Variants in TLN2 observed in about 807,000 individuals in gnomAD.
TLN2 encodes talin 2.
Under a neutral mutation model 294.7 loss-of-function variants are expected in TLN2, and 118 were observed. The observed-to-expected ratio is 0.40, with a 90% CI of 0.34 to 0.47. The LOEUF is 0.47. TLN2 is among the 20% of genes least tolerant of loss of function. The pLI is 0.84. For synonymous variants in TLN2, 1,431 were observed against 1,304.5 expected (o/e 1.10, Z -2.09); for missense variants, 3,083 against 3,282.2 (o/e 0.94, Z 1.48).
At chr15:62,771,206 C>T (rs2063331520) in intron 42 of TLN2, 72 bp downstream of exon 42, 2 of 1,438,992 alleles carry the variant, frequency 1.4e-6, no homozygotes, top group Non-Finnish European at 1.8e-6. Flanking sequence ...TGTAATGTGT[C>T]CTTCCAGGAG....
At chr15:62,725,228 T>A in intron 27 of TLN2, 124 bp downstream of exon 27, 1 of 1,385,460 alleles carries the variant, frequency 7.2e-7, no homozygotes, top group South Asian at 1.6e-5. Flanking sequence ...TGTGGTCTTT[T>A]TCTGAAAAGA....
chr15:62,431,945 C>A (rs2035034166), intron 1 of TLN2, among the ~76,000 whole-genome samples: 1 of 152,058 alleles, frequency 6.6e-6, no homozygotes. Context: ...TGGTCCCAGG[C>A]CCATCTCTTG....
chr15:62,675,400 G>T, intron 11 of TLN2, 79 bp downstream of exon 11: 3 of 1,439,038 alleles, frequency 2.1e-6, no homozygotes, highest in African/African-American at 1.4e-5. Context: ...TGTTAAGCCT[G>T]GTTTGTCCTG....
intron 1 of TLN2, among the ~76,000 whole-genome samples, chr15:62,503,308 A>G (rs2039410449): frequency 6.6e-6 from 1 of 152,222 alleles, no homozygotes; most frequent in Non-Finnish European, 1.5e-5. Context: ...ACCAGCACTA[A>G]GATCTGAACT....
intron 1 of TLN2, among the ~76,000 whole-genome samples, chr15:62,545,973 T>G (rs971846575): frequency 1.3e-5 from 2 of 152,210 alleles, no homozygotes; most frequent in Non-Finnish European, 2.9e-5. Flanking sequence ...CTTTCTGTGC[T>G]CTGCTGGTTC....
chr15:62,582,133 T>C (rs2045104727), intron 1 of TLN2, among the ~76,000 whole-genome samples: 1 of 149,896 alleles, frequency 6.7e-6, no homozygotes, highest in Non-Finnish European at 1.5e-5. Context: ...GCTGGTACCT[T>C]GAAGTCCCAG....
At chr15:62,630,970 A>T in intron 3 of TLN2, among the ~76,000 whole-genome samples, 1 of 152,214 alleles carries the variant, frequency 6.6e-6, no homozygotes. Flanking sequence ...AAAGATAAAT[A>T]GAAAAGAAAA....
In TLN2 at chr15:62,843,699, A is replaced by G. The variant is rs1350233831; in HGVS notation, c.*3089A>G. ...ACTAAAGCCTGTTCCTAATTTATCA[A>G]AAAATTATAACCAAAATTCACCATA... On this transcript the variant is annotated 3_prime_UTR_variant, in exon 59 of 59. Transcript: ENST00000636159. The G allele has an allele frequency of 6.6e-6, 1 of 152,216 alleles. No individual in the cohort carries two copies. Among genetic ancestry groups the G allele is most frequent in the Non-Finnish European group, 1.5e-5 (1 of 68,040 alleles). The allele number at this position is 152,216 out of a possible 1,614,324, so 9.4% of individuals were successfully genotyped here. A position where few individuals can be genotyped will look rare whatever the true frequency, so the allele number is the denominator to read the frequency against.
At chr15:62,745,024 G>T (rs998364323) in intron 32 of TLN2, among the ~76,000 whole-genome samples, 1 of 152,118 alleles carries the variant, frequency 6.6e-6, no homozygotes, top group African/African-American at 2.4e-5. Flanking sequence ...TGCTAAATAG[G>T]TAATCAGAAG....
At chr15:62,726,408 T>C (rs889431403) in intron 27 of TLN2, among the ~76,000 whole-genome samples, 2 of 152,230 alleles carry the variant, frequency 1.3e-5, no homozygotes, top group Non-Finnish European at 1.5e-5. Flanking sequence ...CCTCATCTAG[T>C]AATCAAATAA....
intron 54 of TLN2, among the ~76,000 whole-genome samples, chr15:62,824,668 T>C (rs918370696): frequency 4.6e-5 from 7 of 152,132 alleles, no homozygotes; most frequent in Non-Finnish European, 1.0e-4. Context: ...AGGTTGGTAA[T>C]ATTTAGAATA....
Position 62,792,650 on chromosome 15 carries a change from C to G in TLN2, c.5746C>G (p.Gln1916Glu). ...ATAEPEEIGF[Q>E]IRTRVQDLGH... ...GGGCTTGCCTCTGCAGATCGGATTCCAGATTCGCACTCGTGTGCAGGACCT... is the reference window on the plus strand; with the variant it reads ...GGGCTTGCCTCTGCAGATCGGATTCGAGATTCGCACTCGTGTGCAGGACCT... Residue 1916 changes from glutamine (Q) to glutamate (E), a missense_variant, in exon 46 of 59, where the codon CAG becomes GAG. Gln to Glu is a conservative substitution (Grantham distance 29, BLOSUM62 2). Coordinates refer to ENST00000636159, the MANE Select transcript of TLN2 (RefSeq NM_015059.3). The G allele has an allele frequency of 6.2e-7, 1 of 1,613,260 alleles. No individual in the cohort carries two copies. Among genetic ancestry groups the G allele is most frequent in the Non-Finnish European group, 8.5e-7 (1 of 1,179,818 alleles).
Position 62,740,788 on chromosome 15 carries a change from G to A in TLN2, c.4025+19G>A, listed in dbSNP as rs2061280979. 6.2e-7 allele frequency: 1 copy of A among 1,613,930 alleles called. No individual in the cohort carries two copies. ...CTGCAAGGTAGGAGTGGGACACAAT[G>A]TGCTTTCGTGTGTGGTTAGACAGTG... On this transcript the variant is annotated intron_variant, in intron 32 of 58. Coordinates refer to ENST00000636159, the MANE Select transcript of TLN2 (RefSeq NM_015059.3).
intron 29 of TLN2, 139 bp downstream of exon 29, chr15:62,737,225 G>A (rs1595837458): frequency 7.0e-6 from 6 of 854,828 alleles, no homozygotes; most frequent in Non-Finnish European, 1.1e-5. Flanking sequence ...AGGTCATAAC[G>A]ATGCTGGCCA....
At chr15:62,576,966 C>G (rs1487961135) in intron 1 of TLN2, among the ~76,000 whole-genome samples, 2 of 152,084 alleles carry the variant, frequency 1.3e-5, no homozygotes, top group Non-Finnish European at 2.9e-5. Flanking sequence ...GTGTCCTGCC[C>G]ATGGTCACCT....
chr15:62,779,768 G>A (rs2063992751), intron 43 of TLN2, among the ~76,000 whole-genome samples: 1 of 152,218 alleles, frequency 6.6e-6, no homozygotes, highest in Non-Finnish European at 1.5e-5. Flanking sequence ...GCCGTGATGG[G>A]GATATAGCAT....
chr15:62,699,347 A>T (rs2058566108), intron 16 of TLN2, among the ~76,000 whole-genome samples: 1 of 151,484 alleles, frequency 6.6e-6, no homozygotes, highest in Non-Finnish European at 1.5e-5. Context: ...CATCATCCGA[A>T]GGGCCTGTTA....
At chr15:62,393,849 CTTT>C (rs35651315) in intron 1 of TLN2, among the ~76,000 whole-genome samples, 1 of 138,274 alleles carries the variant, frequency 7.2e-6, no homozygotes, top group Non-Finnish European at 1.6e-5. Flanking sequence ...TTGCCTGATT[CTTT>C]TTTTTTTTTT....
chr15:62,601,552 C>T (rs935623941), intron 2 of TLN2, among the ~76,000 whole-genome samples: 4 of 152,216 alleles, frequency 2.6e-5, no homozygotes, highest in Admixed American at 6.5e-5. Context: ...TTGAGAAACA[C>T]ATAGTAACTG....
Sources: gnomAD v4.1 joint callset for allele counts (sites outside exome capture counted in the v4.1 genomes callset) on GRCh38, gnomAD v4.1.1 for gene constraint, MANE v1.5 for transcripts, NCBI Gene and HGNC (gene_info 2026-07-23, HGNC 2026-07-21) for gene names.